SLC35D4: variants seen among roughly 807,000 people sequenced by gnomAD.
SLC35D4 encodes UDP-N-acetylglucosamine transporter SLC35D4.
the SLC35D4 span, among the ~76,000 whole-genome samples, chr18:23,370,032 A>G: frequency 6.6e-6 from 1 of 152,072 alleles, no homozygotes; most frequent in African/African-American, 2.4e-5. Context: ...ATACAAAATT[A>G]GCCAAGCATG....
chr18:23,307,335 T>C, the SLC35D4 span, among the ~76,000 whole-genome samples: 1 of 152,228 alleles, frequency 6.6e-6, no homozygotes, highest in South Asian at 2.1e-4. Flanking sequence ...GTTTTAACCG[T>C]TTAAACTCTC....
chr18:23,356,713 C>T, the SLC35D4 span: 7 of 1,571,888 alleles, frequency 4.5e-6, no homozygotes, highest in Non-Finnish European at 6.1e-6. This position sits in a 1 kb window ranked among gnomAD's most constrained non-coding sequence, Gnocchi z 4.1. Context: ...CCTCACATGA[C>T]CCTCTGCCCC....
the SLC35D4 span, among the ~76,000 whole-genome samples, chr18:23,244,459 G>A: frequency 2.6e-5 from 4 of 152,322 alleles, no homozygotes; most frequent in African/African-American, 7.2e-5. Flanking sequence ...TAGGCTACCC[G>A]TTTATTTCCA....
chr18:23,407,409 C>T, the SLC35D4 span, among the ~76,000 whole-genome samples: 2 of 151,872 alleles, frequency 1.3e-5, no homozygotes, highest in East Asian at 3.9e-4. Flanking sequence ...TAAAGAAAAT[C>T]AACAGAAAAT....
the SLC35D4 span, among the ~76,000 whole-genome samples, chr18:23,313,126 CAAAAAAAAAAAAAA>C: frequency 0.011 from 317 of 29,516 alleles, 10 homozygotes; most frequent in African/African-American, 0.033. Flanking sequence ...GACTACATCT[CAAAAAAAAAAAAAA>C]AAAAAAAAAA....
At chr18:23,336,542 T>G in the SLC35D4 span, among the ~76,000 whole-genome samples, 1 of 152,222 alleles carries the variant, frequency 6.6e-6, no homozygotes, top group African/African-American at 2.4e-5. Context: ...AAAGTTACAT[T>G]ACAGTACAGC....
chr18:23,310,186 C>G, the SLC35D4 span: 2 of 984,416 alleles, frequency 2.0e-6, no homozygotes, highest in Non-Finnish European at 2.4e-6. Context: ...TGTCACCCAG[C>G]CTTTGTCCAA....
At chr18:23,358,038 T>C in the SLC35D4 span, among the ~76,000 whole-genome samples, 1 of 152,140 alleles carries the variant, frequency 6.6e-6, no homozygotes, top group Non-Finnish European at 1.5e-5. Flanking sequence ...CCTTTCCCCA[T>C]AGAAGTGATA....
chr18:23,280,445 CAG>C, the SLC35D4 span, among the ~76,000 whole-genome samples: 1 of 152,246 alleles, frequency 6.6e-6, no homozygotes, highest in Non-Finnish European at 1.5e-5. Flanking sequence ...TCTGTCCTGT[CAG>C]AGTGGCTTCC....
At chr18:23,391,245 G>GAAAGA in the SLC35D4 span, among the ~76,000 whole-genome samples, 64 of 151,360 alleles carry the variant, frequency 4.2e-4, no homozygotes, top group East Asian at 2.5e-3. Context: ...AGAAAGAAAA[G>GAAAGA]AAAGAAAAGA....
the SLC35D4 span, chr18:23,399,607 C>T: frequency 6.2e-7 from 1 of 1,613,974 alleles, no homozygotes; most frequent in Non-Finnish European, 8.5e-7. Flanking sequence ...ATTATACCCA[C>T]AAACAGCACT....
the SLC35D4 span, among the ~76,000 whole-genome samples, chr18:23,262,299 C>T: frequency 6.6e-6 from 1 of 152,184 alleles, no homozygotes; most frequent in South Asian, 2.1e-4. Context: ...AGCTAACTTA[C>T]AGTGCATCAC....
At chr18:23,437,683 T>C in the SLC35D4 span, 2 of 1,254,336 alleles carry the variant, frequency 1.6e-6, no homozygotes, top group Non-Finnish European at 2.2e-6. Flanking sequence ...CCAGGAAGAA[T>C]GAGGTAAAAA....
the SLC35D4 span, among the ~76,000 whole-genome samples, chr18:23,273,331 A>G: frequency 6.6e-6 from 1 of 152,186 alleles, no homozygotes; most frequent in Non-Finnish European, 1.5e-5. Context: ...GAGAAGCGTA[A>G]ATGTGGGCAG....
At chr18:23,415,131 A>T in the SLC35D4 span, among the ~76,000 whole-genome samples, 1 of 152,102 alleles carries the variant, frequency 6.6e-6, no homozygotes, top group Admixed American at 6.6e-5. Flanking sequence ...ATATAAATAA[A>T]TTTTTTTAAA....
At chr18:23,311,061 T>A in the SLC35D4 span, among the ~76,000 whole-genome samples, 4 of 151,900 alleles carry the variant, frequency 2.6e-5, no homozygotes, top group African/African-American at 9.7e-5. Flanking sequence ...GAATGACAAC[T>A]TTTGAGCTGA....
the SLC35D4 span, among the ~76,000 whole-genome samples, chr18:23,419,243 G>C: frequency 6.6e-6 from 1 of 152,060 alleles, no homozygotes; most frequent in Non-Finnish European, 1.5e-5. Flanking sequence ...AACCAGTTCA[G>C]ATTATAGTTT....
chr18:23,331,888 T>A, the SLC35D4 span, among the ~76,000 whole-genome samples: 31 of 144,848 alleles, frequency 2.1e-4, no homozygotes, highest in African/African-American at 8.0e-4. Context: ...CATGTCTTTT[T>A]TTTTTTTTTT....
chr18:23,276,380 G>A, the SLC35D4 span, among the ~76,000 whole-genome samples: 29 of 151,468 alleles, frequency 1.9e-4, 1 homozygote, highest in South Asian at 2.5e-3. Context: ...GAGCCACCGC[G>A]CCCAGCCAGA....
Sources: allele counts gnomAD v4.1 joint callset (sites outside exome capture counted in the v4.1 genomes callset), GRCh38; gene constraint gnomAD v4.1.1; non-coding constraint Gnocchi (gnomAD v3.1); transcripts MANE v1.5; gene names NCBI Gene and HGNC (gene_info 2026-07-23, HGNC 2026-07-21).